GPC5: variants seen among roughly 807,000 people sequenced by gnomAD.
GPC5 encodes glypican-5.
A neutral mutation model predicts 53.9 loss-of-function variants in GPC5; 47 were observed. The ratio of observed to expected loss-of-function variants is 0.87; its 90% CI spans 0.69 to 1.11. The LOEUF (loss-of-function observed/expected upper bound fraction) is 1.11. GPC5 is among the 50% of genes most tolerant of loss of function. The pLI is 0.00. For synonymous variants in GPC5, 286 were observed against 263.3 expected (o/e 1.09, Z -0.84); for missense variants, 748 against 713.1 (o/e 1.05, Z -0.56).
intron 4 of GPC5, among the ~76,000 whole-genome samples, chr13:91,751,642 G>A (rs1017096510): frequency 2.0e-5 from 3 of 152,106 alleles, no homozygotes; most frequent in Non-Finnish European, 2.9e-5. Context: ...AAACAAGTCC[G>A]ATGACCAAAG....
chr13:92,417,291 A>G (rs1045881876), intron 7 of GPC5, among the ~76,000 whole-genome samples: 6 of 152,208 alleles, frequency 3.9e-5, no homozygotes, highest in Non-Finnish European at 8.8e-5. Context: ...ATGCAAATGA[A>G]CACTCCGATG....
rs180708013 is a variant in GPC5 at position 92,135,045 on chromosome 13, T to C, written c.1402-9785T>C. Among the ~76,000 whole-genome samples, 425 of 152,216 alleles carry C rather than the reference T, an allele frequency of 2.8e-3. 3 individuals carry two copies. The highest frequency in any genetic ancestry group is 9.7e-3 in the African/African-American group (403 of 41,520). On this transcript the variant is annotated intron_variant, in intron 6 of 7. Transcript: ENST00000377067. ...TTTACTTATACCCTCCATTTCCTTT[T>C]CCCCCCTCTCTGGTTCTCCTGCTGC...
chr13:91,891,451 C>T (rs943842888), intron 5 of GPC5, among the ~76,000 whole-genome samples: 9 of 152,052 alleles, frequency 5.9e-5, no homozygotes, highest in African/African-American at 9.7e-5. Context: ...CCAATGTTTT[C>T]GATTGTATCC....
chr13:91,636,243 G>T (rs954117407), intron 2 of GPC5, among the ~76,000 whole-genome samples: 8 of 151,928 alleles, frequency 5.3e-5, no homozygotes, highest in African/African-American at 1.9e-4. Flanking sequence ...TAATGAAATG[G>T]CACAGATATG....
At chr13:92,355,010 T>TAATA (rs1467170030) in intron 7 of GPC5, among the ~76,000 whole-genome samples, 10 of 150,352 alleles carry the variant, frequency 6.7e-5, no homozygotes, top group Admixed American at 2.0e-4. Context: ...TTAAATTAGC[T>TAATA]TTAATTTAAT....
intron 7 of GPC5, among the ~76,000 whole-genome samples, chr13:92,864,282 C>T (rs1043685236): frequency 2.0e-5 from 3 of 152,096 alleles, no homozygotes; most frequent in Non-Finnish European, 2.9e-5. Context: ...TTAGTAACAC[C>T]TTAATGTAAG....
intron 2 of GPC5, among the ~76,000 whole-genome samples, chr13:91,555,390 G>T (rs1330367351): frequency 6.6e-6 from 1 of 152,022 alleles, no homozygotes; most frequent in Non-Finnish European, 1.5e-5. Context: ...AACAAATTTT[G>T]TAAGAGCATC....
intron 7 of GPC5, among the ~76,000 whole-genome samples, chr13:92,328,936 C>T (rs1037777163): frequency 6.6e-6 from 1 of 152,048 alleles, no homozygotes; most frequent in African/African-American, 2.4e-5. Context: ...TTTTCATTTC[C>T]TCCTCCTTGA....
At chr13:92,623,281 C>T (rs1325362999) in intron 7 of GPC5, among the ~76,000 whole-genome samples, 2 of 152,076 alleles carry the variant, frequency 1.3e-5, no homozygotes, top group Non-Finnish European at 2.9e-5. Flanking sequence ...AGTGGTTGCA[C>T]GGCTCATCTG....
chr13:92,791,376 A>G (rs773627164), intron 7 of GPC5, among the ~76,000 whole-genome samples: 1 of 139,290 alleles, frequency 7.2e-6, no homozygotes, highest in Non-Finnish European at 1.5e-5. Context: ...AAATGTACAC[A>G]TTCATTATAC....
At chr13:91,592,901 G>A (rs1278236660) in intron 2 of GPC5, among the ~76,000 whole-genome samples, 1 of 152,214 alleles carries the variant, frequency 6.6e-6, no homozygotes, top group African/African-American at 2.4e-5. Context: ...GGGGAAGTAA[G>A]TCCTGGCATG....
chr13:92,150,196 A>C (rs1185392114), intron 7 of GPC5, among the ~76,000 whole-genome samples: 5 of 151,902 alleles, frequency 3.3e-5, no homozygotes, highest in Non-Finnish European at 7.4e-5. Context: ...AGACATTGAA[A>C]GTAATCTTGA....
chr13:92,817,896 C>G (rs1594527050), intron 7 of GPC5, among the ~76,000 whole-genome samples: 1 of 151,726 alleles, frequency 6.6e-6, no homozygotes, highest in East Asian at 1.9e-4. Flanking sequence ...CTTGAATATT[C>G]TGAATGAAAA....
At chr13:92,109,005 A>G (rs531962092) in intron 6 of GPC5, among the ~76,000 whole-genome samples, 3 of 149,416 alleles carry the variant, frequency 2.0e-5, no homozygotes, top group Admixed American at 2.0e-4. Flanking sequence ...TCAAATGTTT[A>G]TCTTGCTGCC....
chr13:91,933,404 A>G (rs1210129606), intron 6 of GPC5, among the ~76,000 whole-genome samples: 4 of 151,988 alleles, frequency 2.6e-5, no homozygotes, highest in African/African-American at 9.7e-5. Flanking sequence ...GTTTTTATGT[A>G]TCATAGCCAG....
chr13:92,512,330 C>T (rs1478429937), intron 7 of GPC5, among the ~76,000 whole-genome samples: 2 of 152,046 alleles, frequency 1.3e-5, no homozygotes, highest in African/African-American at 4.8e-5. Flanking sequence ...ACCTTAAGTA[C>T]TTTAGTGACA....
Position 91,797,649 on chromosome 13 carries a change from C to T in GPC5, c.1280+41229C>T, listed in dbSNP as rs1341341773. ...AAAGACGAAATTAAGAGCTCTACAT[C>T]TGCCTCTGTGATCAGAGTCAGCGGT... On this transcript the variant is annotated intron_variant, in intron 5 of 7. Coordinates refer to ENST00000377067, the MANE Select transcript of GPC5 (RefSeq NM_004466.6). Among the ~76,000 whole-genome samples the T allele has an allele frequency of 2.6e-5, 4 of 152,198 alleles. No homozygotes were observed. The South Asian group carries it at 6.2e-4, about 24-fold the overall frequency.
chr13:92,018,008 A>G (rs114340689), intron 6 of GPC5, among the ~76,000 whole-genome samples: 126 of 151,994 alleles, frequency 8.3e-4, no homozygotes, highest in African/African-American at 2.9e-3. Context: ...GAGTACACAC[A>G]TACACATGCA....
chr13:91,441,607 G>T (rs922039164), intron 1 of GPC5, among the ~76,000 whole-genome samples: 1 of 152,178 alleles, frequency 6.6e-6, no homozygotes, highest in Non-Finnish European at 1.5e-5. Flanking sequence ...GATTTTCAAA[G>T]AATATTCCAG....
Sources: gnomAD v4.1 joint callset for allele counts (sites outside exome capture counted in the v4.1 genomes callset) on GRCh38, gnomAD v4.1.1 for gene constraint, MANE v1.5 for transcripts, NCBI Gene and HGNC (gene_info 2026-07-23, HGNC 2026-07-21) for gene names.